HIVEP3: variants seen among roughly 807,000 people sequenced by gnomAD.
The protein encoded by HIVEP3 is HIVEP zinc finger 3.
HIVEP3 carries 49 observed loss-of-function variants against 152.8 expected under a neutral mutation model. That is an observed-to-expected ratio of 0.32 (90% CI 0.26 to 0.41). HIVEP3 has a LOEUF of 0.41. Among genes scored for constraint, HIVEP3 ranks in the 10% least tolerant of loss-of-function variants. The pLI, the probability that HIVEP3 is intolerant of heterozygous loss-of-function variation, is 1.00. For synonymous variants in HIVEP3, 1,269 were observed against 1,289.0 expected, an observed-to-expected ratio of 0.98 and a Z score of 0.33; for missense variants, 2,790 against 3,103.3, an observed-to-expected ratio of 0.90 and a Z score of 2.40.
chr1:41,529,205 TAC>T (rs148084779), intron 5 of HIVEP3, among the ~76,000 whole-genome samples: 33,225 of 77,242 alleles, frequency 0.43, 7,606 homozygotes, highest in Non-Finnish European at 0.46. Flanking sequence ...CTTACACCCA[TAC>T]ACTCACACCC....
chr1:41,625,162 C>CAAAAAAAAAAAAAAA (rs59268661), intron 3 of HIVEP3, among the ~76,000 whole-genome samples: 1 of 71,230 alleles, frequency 1.4e-5, no homozygotes, highest in Non-Finnish European at 2.5e-5. Context: ...GATTCCAACT[C>CAAAAAAAAAAAAAAA]AAAAAAAAAA....
At chr1:41,964,254 C>A (rs1338768812) in intron 1 of HIVEP3, among the ~76,000 whole-genome samples, 1 of 152,124 alleles carries the variant, frequency 6.6e-6, no homozygotes, top group Non-Finnish European at 1.5e-5. Flanking sequence ...GTTGATGTGA[C>A]CCACGCAGAG....
chr1:41,778,338 T>C (rs901943023), intron 1 of HIVEP3, among the ~76,000 whole-genome samples: 1 of 150,560 alleles, frequency 6.6e-6, no homozygotes, highest in Non-Finnish European at 1.5e-5. Flanking sequence ...CCCAGTGTAG[T>C]TCAGGTGGCT....
intron 1 of HIVEP3, among the ~76,000 whole-genome samples, chr1:41,866,458 T>A (rs1643976246): frequency 1.3e-5 from 2 of 152,244 alleles, no homozygotes; most frequent in Admixed American, 1.3e-4. Flanking sequence ...TGGGCCTCTA[T>A]GCAGTGCACT....
intron 2 of HIVEP3, among the ~76,000 whole-genome samples, chr1:41,645,428 C>A (rs1645444386): frequency 6.6e-6 from 1 of 152,194 alleles, no homozygotes; most frequent in African/African-American, 2.4e-5. Context: ...TGTACTGTTA[C>A]TTTAAGAACA....
chr1:41,650,704 A>G (rs1645535813), intron 2 of HIVEP3, among the ~76,000 whole-genome samples: 1 of 152,144 alleles, frequency 6.6e-6, no homozygotes, highest in African/African-American at 2.4e-5. Flanking sequence ...CTGAGCGCAG[A>G]AACATTTCTA....
intron 1 of HIVEP3, among the ~76,000 whole-genome samples, chr1:41,793,486 G>GTGGGATA (rs978163618): frequency 1.3e-5 from 2 of 152,210 alleles, no homozygotes; most frequent in African/African-American, 4.8e-5. Flanking sequence ...ATTAGAACAG[G>GTGGGATA]TGGGAGGAGG....
chr1:41,804,777 C>T (rs1260258233), intron 1 of HIVEP3, among the ~76,000 whole-genome samples: 1 of 152,196 alleles, frequency 6.6e-6, no homozygotes, highest in Non-Finnish European at 1.5e-5. Context: ...CTCCAATAGG[C>T]TGGTCAGAGC....
At chr1:42,017,669 G>C (rs1464142985) in intron 1 of HIVEP3, among the ~76,000 whole-genome samples, 1 of 151,936 alleles carries the variant, frequency 6.6e-6, no homozygotes, top group Non-Finnish European at 1.5e-5. Flanking sequence ...ACTGTCTTTG[G>C]ATATCTGGGT....
Position 41,533,291 on chromosome 1 carries a change from C to T in HIVEP3, c.5208-8381G>A, listed in dbSNP as rs12059121. On this transcript the variant is annotated intron_variant, in intron 5 of 8. Coordinates refer to ENST00000372583, the MANE Select transcript of HIVEP3 (RefSeq NM_024503.5). This position sits in a 1 kb window ranked among gnomAD's most constrained non-coding sequence, Gnocchi z 4.3. ...CGGGCTCTGGGTCCAGCTCCTCCTG[C>T]GGTGCCAGAGCCCACCCCACCCACT... 0.054 allele frequency among the ~76,000 whole-genome samples: 8,184 copies of T among 152,174 alleles called. 742 individuals are homozygous for T. Among genetic ancestry groups the T allele is most frequent in the African/African-American group, 0.19 (7,697 of 41,478 alleles).
At chr1:41,567,002 C>T (rs1644173943) in intron 5 of HIVEP3, among the ~76,000 whole-genome samples, 1 of 152,158 alleles carries the variant, frequency 6.6e-6, no homozygotes, top group African/African-American at 2.4e-5. Flanking sequence ...GGCCTCTCCT[C>T]TGAGGGCCAG....
In HIVEP3 at chr1:41,643,941, C is replaced by T. The variant is rs889794088; in HGVS notation, c.-720-14994G>A. 9.1e-5 allele frequency among the ~76,000 whole-genome samples: 12 copies of T among 131,590 alleles called. No individual in the cohort carries two copies. In the Admixed American group the frequency reaches 1.0e-3, roughly 11 times the overall value. 86.3% of individuals were successfully genotyped at this position (131,590 alleles called of 152,430 possible). A position where few individuals can be genotyped will look rare whatever the true frequency, so the allele number is the denominator to read the frequency against. On this transcript the variant is annotated intron_variant, in intron 2 of 8. Coordinates refer to ENST00000372583, the MANE Select transcript of HIVEP3 (RefSeq NM_024503.5). Reference sequence around the variant, plus strand: ...TGGCTCTGTTGCCTAGGCTGGAGTACAACAGCACAATCTTGGCTCACTGCA... The same window carrying T: ...TGGCTCTGTTGCCTAGGCTGGAGTATAACAGCACAATCTTGGCTCACTGCA...
At chr1:41,916,350 C>A (rs1035006576) in intron 1 of HIVEP3, among the ~76,000 whole-genome samples, 1 of 151,924 alleles carries the variant, frequency 6.6e-6, no homozygotes, top group Non-Finnish European at 1.5e-5. Flanking sequence ...GTGTTGAGGG[C>A]AAAAAAACAA....
chr1:41,884,380 G>C (rs1029909592), intron 1 of HIVEP3, among the ~76,000 whole-genome samples: 6 of 152,192 alleles, frequency 3.9e-5, no homozygotes, highest in Non-Finnish European at 7.3e-5. Context: ...GCTGAGCACT[G>C]ACACATGCAA....
chr1:41,849,021 A>T (rs1439629300), intron 1 of HIVEP3: 4 of 152,212 alleles, frequency 2.6e-5, no homozygotes, highest in African/African-American at 9.7e-5. Context: ...ATTCTTCAGG[A>T]CGTTTGTCCC....
chr1:41,756,684 T>C (rs552479711), intron 1 of HIVEP3, among the ~76,000 whole-genome samples: 1 of 152,344 alleles, frequency 6.6e-6, no homozygotes, highest in South Asian at 2.1e-4. Context: ...TTCGTTGATA[T>C]GGAAAGACTT....
intron 1 of HIVEP3, chr1:41,847,873 G>A (rs1183954906): frequency 1.3e-5 from 2 of 152,704 alleles, no homozygotes; most frequent in African/African-American, 2.4e-5. Context: ...TTGGGCAGGG[G>A]AGAGGAGAAG....
chr1:41,539,800 G>A (rs932127838), intron 5 of HIVEP3, among the ~76,000 whole-genome samples: 8 of 152,178 alleles, frequency 5.3e-5, no homozygotes, highest in African/African-American at 1.9e-4. Context: ...GCTAAAAACC[G>A]CTAAAAAAAG....
chr1:41,906,169 C>T (rs1018719252), intron 1 of HIVEP3, among the ~76,000 whole-genome samples: 1 of 152,030 alleles, frequency 6.6e-6, no homozygotes, highest in Non-Finnish European at 1.5e-5. Context: ...ATCAGCCAAG[C>T]GTGGTGGCAT....
Sources: gnomAD v4.1 joint callset for allele counts (sites outside exome capture counted in the v4.1 genomes callset) on GRCh38, gnomAD v4.1.1 for gene constraint, Gnocchi (gnomAD v3.1) non-coding constraint, MANE v1.5 for transcripts, NCBI Gene and HGNC (gene_info 2026-07-23, HGNC 2026-07-21) for gene names.